HECTD4: variants seen among roughly 807,000 people sequenced by gnomAD.
The protein encoded by HECTD4 is HECT domain E3 ubiquitin protein ligase 4, also known as probable E3 ubiquitin-protein ligase HECTD4.
A neutral mutation model predicts 471.5 loss-of-function variants in HECTD4; 114 were observed. That is an observed-to-expected ratio of 0.24 (90% CI 0.21 to 0.28). The LOEUF (loss-of-function observed/expected upper bound fraction) is 0.28, where lower values mean the gene tolerates loss of function less well. HECTD4 is among the 10% of genes least tolerant of loss of function. HECTD4 has a pLI of 1.00. For synonymous variants in HECTD4, 2,012 were observed against 2,256.0 expected, an observed-to-expected ratio of 0.89 and a Z score of 3.07; for missense variants, 3,866 against 5,651.5, an observed-to-expected ratio of 0.68 and a Z score of 10.13.
intron 60 of HECTD4, among the ~76,000 whole-genome samples, chr12:112,189,330 A>G (rs933092148): frequency 3.9e-5 from 6 of 151,982 alleles, no homozygotes; most frequent in Admixed American, 6.6e-5. Context: ...AGGCGGGTGG[A>G]TCACGAGGTC....
At chr12:112,165,483 C>T (rs1457553590) in intron 72 of HECTD4, among the ~76,000 whole-genome samples, 1 of 151,490 alleles carries the variant, frequency 6.6e-6, no homozygotes, top group Non-Finnish European at 1.5e-5. Flanking sequence ...TCCCAAGTAG[C>T]TGGGACTACA....
intron 1 of HECTD4, among the ~76,000 whole-genome samples, chr12:112,323,339 A>G (rs901540364): frequency 6.6e-6 from 1 of 152,204 alleles, no homozygotes; most frequent in Non-Finnish European, 1.5e-5. Flanking sequence ...ACAAAACAAC[A>G]AATTCCAATT....
chr12:112,245,160 G>A (rs914732663), intron 29 of HECTD4, among the ~76,000 whole-genome samples: 3 of 152,024 alleles, frequency 2.0e-5, no homozygotes, highest in African/African-American at 7.2e-5. Context: ...ATGCCACCAT[G>A]CCTGGCTAAT....
intron 53 of HECTD4, among the ~76,000 whole-genome samples, chr12:112,204,135 C>A (rs1204667828): frequency 6.6e-6 from 1 of 151,672 alleles, no homozygotes; most frequent in Non-Finnish European, 1.5e-5. Context: ...CTCCGCCTCC[C>A]AGGTTCAAGT....
intron 7 of HECTD4, among the ~76,000 whole-genome samples, chr12:112,287,973 G>A (rs1314807860): frequency 6.6e-6 from 1 of 151,544 alleles, no homozygotes; most frequent in Non-Finnish European, 1.5e-5. Flanking sequence ...TCATGCCCTT[G>A]TATAGTCCCC....
intron 1 of HECTD4, among the ~76,000 whole-genome samples, chr12:112,345,585 G>A (rs1278459108): frequency 6.6e-6 from 1 of 152,086 alleles, no homozygotes; most frequent in Non-Finnish European, 1.5e-5. Context: ...TCTTCCTTTT[G>A]CTTTTTCAAA....
intron 52 of HECTD4, among the ~76,000 whole-genome samples, chr12:112,206,816 G>A (rs1019190755): frequency 3.3e-5 from 5 of 152,130 alleles, no homozygotes; most frequent in East Asian, 3.9e-4. Flanking sequence ...GATTACAGGC[G>A]TGAGCCACTA....
At chr12:112,373,432 G>C (rs925079331) in intron 1 of HECTD4, among the ~76,000 whole-genome samples, 1 of 152,008 alleles carries the variant, frequency 6.6e-6, no homozygotes, top group Non-Finnish European at 1.5e-5. Flanking sequence ...TGAGGCAGAA[G>C]AATCACTTGA....
chr12:112,210,025 G>A lies in HECTD4; in HGVS notation c.7857C>T (p.Thr2619=), dbSNP rs368963356. The A allele has an allele frequency of 1.1e-5, 18 of 1,612,622 alleles. No homozygotes were observed. The highest frequency in any genetic ancestry group is 4.4e-5 in the South Asian group (4 of 90,928). The change falls in exon 50 of 76, where the codon ACC becomes ACT. Residue 2619 remains threonine, a synonymous_variant. Transcript: ENST00000682272. ...GPPCRIAAVA[T]AQQQYDSDTS... is the part of the protein sequence containing the mutation. ...CAGGAGGTGACTTACGTTGCTGAGC[G>A]GTGGCCACGGCAGCAATCCGGCATG...
At position 112,259,538 on chromosome 12, in the gene HECTD4, T is replaced by TG. The variant is rs2034097967; in HGVS notation, c.2874-274dup. ...CTGCCTTTTTTTTTTTTTTTTTTTT[T>TG]GACAGGCTCTCACTCTTGTTACCCA... On this transcript the variant is annotated intron_variant, in intron 18 of 75. Coordinates refer to ENST00000682272, the MANE Select transcript of HECTD4 (RefSeq NM_001388303.1). Among the ~76,000 whole-genome samples, 4 of 142,512 alleles carry TG rather than the reference T, an allele frequency of 2.8e-5. No individual in the cohort carries two copies. The East Asian group carries it at 1.4e-3, about 50-fold the overall frequency. The allele number at this position is 142,512 out of a possible 152,430, so 93.5% of individuals were successfully genotyped here.
intron 2 of HECTD4, among the ~76,000 whole-genome samples, chr12:112,317,329 C>A (rs1036519006): frequency 1.3e-5 from 2 of 152,130 alleles, no homozygotes; most frequent in African/African-American, 2.4e-5. Context: ...AAGAAACTTA[C>A]AATAAACACT....
chr12:112,362,860 C>T (rs2036478599), intron 1 of HECTD4, among the ~76,000 whole-genome samples: 1 of 152,088 alleles, frequency 6.6e-6, no homozygotes, highest in Non-Finnish European at 1.5e-5. Flanking sequence ...CATCACCATG[C>T]CCGGCTAATT....
At chr12:112,175,180 A>C (rs754823264) in intron 66 of HECTD4, among the ~76,000 whole-genome samples, 2 of 152,200 alleles carry the variant, frequency 1.3e-5, no homozygotes, top group South Asian at 4.1e-4. Context: ...ACAGATACGT[A>C]TGTTGAAGCC....
chr12:112,193,199 G>T lies in HECTD4; in HGVS notation c.8956-8C>A. On this transcript the variant is annotated splice_region_variant and splice_polypyrimidine_tract_variant and intron_variant, in intron 57 of 75. Transcript: ENST00000682272. This position sits in a 1 kb window ranked among gnomAD's most constrained non-coding sequence, Gnocchi z 5.2. ...GAACTGCTCTGGTGCTGTCTGCAAA[G>T]AGACACTGAATAAGGAAAGCCACGG... 1 of 1,613,526 alleles carries T rather than the reference G, an allele frequency of 6.2e-7. No homozygotes were observed. The highest frequency in any genetic ancestry group is 2.2e-5 in the East Asian group (1 of 44,878).
At chr12:112,232,382 G>A (rs917003942) in intron 38 of HECTD4, among the ~76,000 whole-genome samples, 1 of 152,108 alleles carries the variant, frequency 6.6e-6, no homozygotes, top group Non-Finnish European at 1.5e-5. Context: ...CACCTGCCTT[G>A]GTGTCTCAAA....
chr12:112,355,965 T>G (rs2036330259), intron 1 of HECTD4, among the ~76,000 whole-genome samples: 1 of 152,144 alleles, frequency 6.6e-6, no homozygotes, highest in African/African-American at 2.4e-5. Context: ...GTCAAAGGGA[T>G]CTTATTTCTA....
rs1593953173 is a variant in HECTD4, at chr12:112,228,269, T to C, written c.6685-11A>G. On this transcript the variant is annotated splice_polypyrimidine_tract_variant and intron_variant, in intron 42 of 75. Transcript: ENST00000682272. The surrounding 1 kb of genome is among the most constrained non-coding windows in gnomAD (Gnocchi z 4.9). ...ATGAAGAGGCAATGCCTGATGGCGG[T>C]GGGGGGGCATGGCAAAAAGTTAAAT... 1 of 1,556,522 alleles carries C rather than the reference T, an allele frequency of 6.4e-7. No individual in the cohort carries two copies. Among genetic ancestry groups the C allele is most frequent in the African/African-American group, 1.4e-5 (1 of 72,128 alleles).
In HECTD4 at chr12:112,171,190, G is replaced by A. The variant is rs2031206264; in HGVS notation, c.11859C>T (p.Phe3953=). ...TCTGGCGCAGCTCCACCAGGGGCAGGAAGAAGGTCTCCAGTGTGGTGTTGA... is the reference window on the plus strand; with the variant it reads ...TCTGGCGCAGCTCCACCAGGGGCAGAAAGAAGGTCTCCAGTGTGGTGTTGA... ...QSLNTTLETF[F]LPLVELRQTP... The change falls in exon 68 of 76, where the codon TTC becomes TTT. Residue 3953 remains phenylalanine (F), a synonymous_variant. Transcript: ENST00000682272. 6.2e-7 allele frequency: 1 copy of A among 1,613,412 alleles called. No homozygotes were observed. The highest frequency in any genetic ancestry group is 8.5e-7 in the Non-Finnish European group (1 of 1,179,704).
At chr12:112,190,349 A>T (rs557081314) in intron 60 of HECTD4, among the ~76,000 whole-genome samples, 1 of 152,370 alleles carries the variant, frequency 6.6e-6, no homozygotes, top group East Asian at 1.9e-4. Context: ...GTAAATTTGC[A>T]TATGGTAAAA....
Sources: gnomAD v4.1 joint callset for allele counts (sites outside exome capture counted in the v4.1 genomes callset) on GRCh38, gnomAD v4.1.1 for gene constraint, Gnocchi (gnomAD v3.1) non-coding constraint, MANE v1.5 for transcripts, NCBI Gene and HGNC (gene_info 2026-07-23, HGNC 2026-07-21) for gene names.